Variants in CLPX observed in about 807,000 individuals in gnomAD.
The protein encoded by CLPX is caseinolytic mitochondrial matrix peptidase chaperone subunit X.
In CLPX, 34 loss-of-function variants were observed where a neutral mutation model predicts 76.4. That is an observed-to-expected ratio of 0.45 (90% CI 0.34 to 0.59). CLPX has a LOEUF of 0.59. CLPX is among the 20% of genes least tolerant of loss of function. The pLI, the probability that CLPX is intolerant of heterozygous loss-of-function variation, is 0.01. For synonymous variants in CLPX, 248 were observed against 270.9 expected (o/e 0.92, Z 0.83); for missense variants, 613 against 757.0 (o/e 0.81, Z 2.23).
intron 1 of CLPX, among the ~76,000 whole-genome samples, chr15:65,183,348 C>A (rs1031113754): frequency 4.7e-5 from 7 of 149,086 alleles, no homozygotes; most frequent in Non-Finnish European, 1.0e-4. Context: ...GCAGTCCCAG[C>A]TACTCGGGAG....
intron 3 of CLPX, among the ~76,000 whole-genome samples, chr15:65,169,020 C>T (rs2087960253): frequency 1.3e-5 from 2 of 150,580 alleles, no homozygotes; most frequent in African/African-American, 4.9e-5. Context: ...ACCACGCCTG[C>T]CTACTTTTTT....
At chr15:65,165,772 T>A (rs369019949) in intron 4 of CLPX, among the ~76,000 whole-genome samples, 1 of 152,336 alleles carries the variant, frequency 6.6e-6, no homozygotes, top group African/African-American at 2.4e-5. Context: ...TTTCCATTTT[T>A]AATGACAAAT....
At chr15:65,161,143 T>C (rs1210466289) in intron 6 of CLPX, among the ~76,000 whole-genome samples, 2 of 152,204 alleles carry the variant, frequency 1.3e-5, no homozygotes, top group Admixed American at 6.6e-5. Flanking sequence ...GGTATTATTA[T>C]TACCATTTCC....
intron 3 of CLPX, among the ~76,000 whole-genome samples, chr15:65,176,920 G>A (rs749646474): frequency 1.8e-4 from 27 of 151,272 alleles, no homozygotes; most frequent in Non-Finnish European, 3.5e-4. Flanking sequence ...GGTCTATAAA[G>A]GTTGAAATGT....
At chr15:65,171,734 T>C (rs2088010092) in intron 3 of CLPX, among the ~76,000 whole-genome samples, 1 of 152,224 alleles carries the variant, frequency 6.6e-6, no homozygotes, top group African/African-American at 2.4e-5. Flanking sequence ...GTTCAGGCAG[T>C]GTGACAGGAA....
chr15:65,185,098 G>T lies in CLPX; in HGVS notation c.56C>A (p.Ser19Tyr). ...CGAAAVRLIT[S>Y]SLASAQRGIS... ...ACCTCTCTGCGCGGAGGCGAGTGAG[G>T]AGGTGATGAGCCGGACGGCCGCCGC... Residue 19 changes from serine (S) to tyrosine (Y), a missense_variant, in exon 1 of 14, where the codon TCC becomes TAC. Around this residue, in one of 2 missense-constraint regions of CLPX, gnomAD observed 163 missense variants for 118.4 expected, o/e 1.38. Transcript: ENST00000300107. The T allele has an allele frequency of 6.3e-7, 1 of 1,584,694 alleles. No homozygotes were observed. Among genetic ancestry groups the T allele is most frequent in the Non-Finnish European group, 8.6e-7 (1 of 1,166,510 alleles).
intron 3 of CLPX, among the ~76,000 whole-genome samples, chr15:65,172,396 C>T (rs898791236): frequency 6.6e-6 from 1 of 152,078 alleles, no homozygotes; most frequent in Non-Finnish European, 1.5e-5. Context: ...GTTTGGGAGG[C>T]TGAGGTGGGC....
intron 3 of CLPX, among the ~76,000 whole-genome samples, chr15:65,167,873 G>C (rs901804992): frequency 6.6e-6 from 1 of 151,708 alleles, no homozygotes; most frequent in South Asian, 2.1e-4. Context: ...GGGAGATAGA[G>C]CAAGACTCCA....
chr15:65,184,031 C>T (rs1352505641), intron 1 of CLPX, among the ~76,000 whole-genome samples: 1 of 152,164 alleles, frequency 6.6e-6, no homozygotes, highest in African/African-American at 2.4e-5. Context: ...TGCTTCTGCC[C>T]ACGTTACCTC....
chr15:65,155,782 T>A lies in CLPX; in HGVS notation c.1221A>T (p.Thr407=). 4 of 1,614,120 alleles carry A rather than the reference T, an allele frequency of 2.5e-6. No homozygotes were observed. The change falls in exon 10 of 14, where the codon ACA becomes ACT. Residue 407 remains threonine, a synonymous_variant. Transcript: ENST00000300107. ...GGATGTTTGTTGTATCAACTTGAAC[T>A]GTTTCTCCACGGAGCTTTCGGGAAT... The part of the protein sequence containing the change: ...EKNSRKLRGE[T]VQVDTTNILF...
In CLPX at chr15:65,161,952, A is replaced by G. The variant is rs1728793411; in HGVS notation, c.715+652T>C. On this transcript the variant is annotated intron_variant, in intron 6 of 13. Transcript: ENST00000300107. ...GTACACTTCAAATAGTGGATATATA[A>G]TACTACTTGGTTCAAAGGCAAATGT... 3.3e-5 allele frequency among the ~76,000 whole-genome samples: 5 copies of G among 152,346 alleles called. No homozygotes were observed. The South Asian group carries it at 1.0e-3, about 32-fold the overall frequency.
chr15:65,180,583 C>T (rs575861624), intron 1 of CLPX, among the ~76,000 whole-genome samples: 1 of 152,248 alleles, frequency 6.6e-6, no homozygotes, highest in East Asian at 1.9e-4. Context: ...AAACATCTGA[C>T]AGCAACTCAT....
intron 13 of CLPX, among the ~76,000 whole-genome samples, chr15:65,151,300 A>G (rs1467701760): frequency 2.7e-5 from 4 of 147,634 alleles, no homozygotes; most frequent in African/African-American, 1.0e-4. Context: ...AGCCGAAATC[A>G]TACCACTGCA....
At chr15:65,157,065 A>G in intron 8 of CLPX, 133 bp from the exon 9 acceptor site, 2 of 588,300 alleles carry the variant, frequency 3.4e-6, no homozygotes, top group East Asian at 2.9e-5. Context: ...ATAGCTTGAC[A>G]TTATAAAAAT....
At chr15:65,183,681 C>G (rs1595949995) in intron 1 of CLPX, among the ~76,000 whole-genome samples, 1 of 152,070 alleles carries the variant, frequency 6.6e-6, no homozygotes, top group Non-Finnish European at 1.5e-5. Flanking sequence ...CTCTTGGCTA[C>G]AAGAGATCAG....
Position 65,170,487 on chromosome 15 carries a change from G to A in CLPX, c.359-3702C>T, listed in dbSNP as rs141437941. Among the ~76,000 whole-genome samples, 873 of 152,262 alleles carry A rather than the reference G, an allele frequency of 5.7e-3. 5 individuals carry two copies. Among genetic ancestry groups the A allele is most frequent in the Middle Eastern group, 0.014 (4 of 294 alleles). ...CATATTAAAAAAACAACTTTAGGCT[G>A]AGCGGGGTGGCTCAGGCCTGTAATC... On this transcript the variant is annotated intron_variant, in intron 3 of 13. Transcript: ENST00000300107.
chr15:65,170,817 T>C (rs1370745940), intron 3 of CLPX, among the ~76,000 whole-genome samples: 1 of 90,192 alleles, frequency 1.1e-5, no homozygotes, highest in Non-Finnish European at 2.4e-5. Flanking sequence ...TGTGTTTCTG[T>C]TCTTCTTTTT....
chr15:65,152,301 C>T (rs2087731584), intron 13 of CLPX, 129 bp downstream of exon 13: 1 of 388,928 alleles, frequency 2.6e-6, no homozygotes, highest in South Asian at 9.9e-5. Context: ...CTACAGAAAA[C>T]TTGAGATTAT....
chr15:65,162,522 A>G, intron 6 of CLPX, 82 bp downstream of exon 6: 1 of 883,532 alleles, frequency 1.1e-6, no homozygotes, highest in Non-Finnish European at 1.9e-6. Flanking sequence ...ATACATGTCT[A>G]TCACTGTTAC....
Sources: allele counts gnomAD v4.1 joint callset (sites outside exome capture counted in the v4.1 genomes callset), GRCh38; gene constraint gnomAD v4.1.1; regional missense constraint gnomAD v4.1.1; transcripts MANE v1.5; gene names NCBI Gene and HGNC (gene_info 2026-07-23, HGNC 2026-07-21).